The following KRT8 variants were observed in gnomAD, a reference collection of about 807,000 sequenced individuals.
KRT8 encodes the protein keratin, type II cytoskeletal 8.
KRT8 carries 24 observed loss-of-function variants against 43.0 expected under a neutral mutation model. The observed-to-expected ratio is 0.56, with a 90% CI of 0.40 to 0.78. KRT8 has a LOEUF of 0.78. Ranked by LOEUF, KRT8 falls within the 30% of genes least tolerant of loss-of-function variation. The probability of loss-of-function intolerance (pLI) is 0.00; values close to 1 mark genes in which losing one functional copy is unlikely to be tolerated. For synonymous variants in KRT8, 214 were observed against 261.2 expected, an observed-to-expected ratio of 0.82 and a Z score of 1.74; for missense variants, 492 against 638.4, an observed-to-expected ratio of 0.77 and a Z score of 2.47.
exon 1 of KRT8, chr12:52,904,730 G>A: frequency 6.2e-7 from 1 of 1,612,870 alleles, no homozygotes; most frequent in Non-Finnish European, 8.5e-7. Context: ...GCACGGCCTG[G>A]ATGTTGGGGT....
upstream of KRT8, among the ~76,000 whole-genome samples, chr12:52,905,642 T>C (rs1237449131): frequency 1.3e-5 from 2 of 152,116 alleles, no homozygotes; most frequent in Non-Finnish European, 2.9e-5. Context: ...TAGCACCTGG[T>C]GCAGTGCCAA....
rs879808922 is a variant in KRT8 at position 52,918,191 on chromosome 12, A to AAGAAGAAGAAGAAGAAGAAGG, written c.-46-13165_-46-13164insCCTTCTTCTTCTTCTTCTTCT. On this transcript the variant is annotated intron_variant, in intron 2 of 6. Coordinates refer to the KRT8 transcript ENST00000546826. ...GAAGAAGAGGAAGAGGAAGAAGAAG[A>AAGAAGAAGAAGAAGAAGAAGG]AGAAGAAGAAGAACAAGAAGAAGAA... Among the ~76,000 whole-genome samples the AAGAAGAAGAAGAAGAAGAAGG allele has an allele frequency of 2.8e-4, 34 of 122,030 alleles. 1 individual carries two copies. The highest frequency in any genetic ancestry group is 9.3e-4 in the South Asian group (3 of 3,234). The allele number at this position is 122,030 out of a possible 152,430, so 80.1% of individuals were successfully genotyped here.
upstream of KRT8, chr12:52,906,748 C>T (rs1941529060): frequency 2.2e-6 from 1 of 455,800 alleles, no homozygotes; most frequent in Non-Finnish European, 4.4e-6. Context: ...GCCAGATCCC[C>T]TTGAGGAGAG....
chr12:52,938,276 C>G (rs1329381083), intron 2 of KRT8, among the ~76,000 whole-genome samples: 2 of 147,414 alleles, frequency 1.4e-5, no homozygotes, highest in Non-Finnish European at 3.0e-5. Flanking sequence ...TCAAGTGATT[C>G]TCGTGCCTTG....
At chr12:52,936,775 A>G (rs1311616426) in intron 2 of KRT8, among the ~76,000 whole-genome samples, 2 of 152,102 alleles carry the variant, frequency 1.3e-5, no homozygotes, top group Non-Finnish European at 2.9e-5. Context: ...TTGGCCTCCC[A>G]AAGTGCTGGG....
At chr12:52,901,282 G>T in intron 2 of KRT8, 63 bp from the exon 3 acceptor site, 2 of 1,103,508 alleles carry the variant, frequency 1.8e-6, no homozygotes, top group South Asian at 2.5e-5. Context: ...TTGGTCTTTT[G>T]GGAGACAGGG....
At chr12:52,918,086 G>GAGA (rs1469850504) in intron 2 of KRT8, among the ~76,000 whole-genome samples, 1 of 136,172 alleles carries the variant, frequency 7.3e-6, no homozygotes, top group Non-Finnish European at 1.6e-5. Flanking sequence ...GGAGGAGGAG[G>GAGA]AGAAGAAGAA....
At chr12:52,925,416 C>T (rs1331221026) in intron 2 of KRT8, among the ~76,000 whole-genome samples, 1 of 152,130 alleles carries the variant, frequency 6.6e-6, no homozygotes, top group Admixed American at 6.6e-5. Context: ...GACCACTCAG[C>T]ACTTAGGTAT....
At chr12:52,906,540 G>A (rs564619564), upstream of KRT8, 74 of 372,656 alleles carry the variant, frequency 2.0e-4, no homozygotes, top group Non-Finnish European at 2.8e-4. Flanking sequence ...GTTGGAGATT[G>A]GGGAGCTGAG....
chr12:52,902,928 C>G (rs1328676830), intron 1 of KRT8, among the ~76,000 whole-genome samples: 3 of 152,084 alleles, frequency 2.0e-5, no homozygotes, highest in Admixed American at 2.0e-4. Context: ...AGGAGAATCG[C>G]TTGAACCCAG....
intron 2 of KRT8, among the ~76,000 whole-genome samples, chr12:52,935,084 G>GAA (rs1315411845): frequency 8.1e-6 from 1 of 124,214 alleles, no homozygotes. Flanking sequence ...CATCTCAAAA[G>GAA]AAAAAAAAAA....
chr12:52,918,194 A>AAGAAGAAGAAGAAGAAGG lies in KRT8; in HGVS notation c.-46-13168_-46-13167insCCTTCTTCTTCTTCTTCT, dbSNP rs1565725628. 1.5e-4 allele frequency among the ~76,000 whole-genome samples: 19 copies of AAGAAGAAGAAGAAGAAGG among 125,052 alleles called. 1 individual carries two copies. The highest frequency in any genetic ancestry group is 2.0e-4 in the African/African-American group (6 of 30,748). 82.0% of individuals were successfully genotyped at this position (125,052 alleles called of 152,430 possible). A position where few individuals can be genotyped will look rare whatever the true frequency, so the allele number is the denominator to read the frequency against. ...GAAGAGGAAGAGGAAGAAGAAGAAGAAGAAGAAGAACAAGAAGAAGAAGAA... is the reference window on the plus strand; with the variant it reads ...GAAGAGGAAGAGGAAGAAGAAGAAGAAGAAGAAGAAGAAGAAGGAGAAGAAGAACAAGAAGAAGAAGAA... On this transcript the variant is annotated intron_variant, in intron 2 of 6. Coordinates refer to the KRT8 transcript ENST00000546826.
intron 2 of KRT8, among the ~76,000 whole-genome samples, chr12:52,932,755 G>A (rs1420397325): frequency 9.9e-5 from 15 of 151,746 alleles, no homozygotes; most frequent in Admixed American, 9.2e-4. Context: ...AGTGAGCTAT[G>A]ATCACCAATG....
At chr12:52,906,580 G>A (rs1164500710), upstream of KRT8, 6 of 411,530 alleles carry the variant, frequency 1.5e-5, no homozygotes, top group Non-Finnish European at 3.0e-5. Context: ...GTGGGGCCAG[G>A]CAGGGCATGC....
At chr12:52,918,208 G>T in intron 2 of KRT8, among the ~76,000 whole-genome samples, 1 of 121,960 alleles carries the variant, frequency 8.2e-6, no homozygotes, top group African/African-American at 2.7e-5. Context: ...AGAAGAACAA[G>T]AAGAAGAAGA....
rs2120550318 is a variant in KRT8 at position 52,899,755 on chromosome 12, AC to A, written c.981+19del. On this transcript the variant is annotated intron_variant, in intron 5 of 7. Transcript: ENST00000692008. ...AGGATGTGTCCAAGGAACCCCTCCC[AC>A]CCCCAACCCGGCCCATACCTGGCCT... The A allele has an allele frequency of 6.5e-7, 1 of 1,540,918 alleles. No homozygotes were observed. The highest frequency in any genetic ancestry group is 8.9e-7 in the Non-Finnish European group (1 of 1,119,632).
At chr12:52,901,598 T>C (rs1941371473) in intron 2 of KRT8, 2 of 580,222 alleles carry the variant, frequency 3.4e-6, no homozygotes, top group Non-Finnish European at 6.2e-6. Flanking sequence ...CTCTCCCGTC[T>C]CAGGTTTACC....
intron 2 of KRT8, chr12:52,949,139 G>T (rs1025610446): frequency 6.2e-7 from 1 of 1,601,638 alleles, no homozygotes; most frequent in Admixed American, 1.7e-5. Flanking sequence ...CGTCCGCAAA[G>T]CCTGAGTCCT....
At chr12:52,899,598 T>C (rs183360731) in intron 5 of KRT8, among the ~76,000 whole-genome samples, 177 bp downstream of exon 5, 2 of 152,222 alleles carry the variant, frequency 1.3e-5, no homozygotes, top group East Asian at 3.9e-4. Context: ...GGACCTTCCC[T>C]GCATCCCTTT....
Sources: gnomAD v4.1 joint callset for allele counts (sites outside exome capture counted in the v4.1 genomes callset) on GRCh38, gnomAD v4.1.1 for gene constraint, MANE v1.5 for transcripts, NCBI Gene and HGNC (gene_info 2026-07-23, HGNC 2026-07-21) for gene names.